The following TMEM223 variants were observed in gnomAD, a reference collection of about 807,000 sequenced individuals.
The protein encoded by TMEM223 is transmembrane protein 223.
In TMEM223, 14 loss-of-function variants were observed where a neutral mutation model predicts 14.1. The ratio of observed to expected loss-of-function variants is 0.99; its 90% confidence interval spans 0.66 to 1.55. The LOEUF (loss-of-function observed/expected upper bound fraction) is 1.55. TMEM223 is among the 40% of genes most tolerant of loss of function. The pLI, the probability that TMEM223 is intolerant of heterozygous loss-of-function variation, is 0.00. For missense variants in TMEM223, 346 were observed against 269.9 expected, an observed-to-expected ratio of 1.28 and a Z score of -1.97; for synonymous variants, 145 against 120.5, an observed-to-expected ratio of 1.20 and a Z score of -1.33.
downstream of TMEM223, chr11:62,786,198 G>C (rs973112820): frequency 7.7e-6 from 12 of 1,559,178 alleles, no homozygotes; most frequent in Non-Finnish European, 9.6e-6. Context: ...TCATGGGAAA[G>C]GGTCCTTGAG....
Position 62,791,986 on chromosome 11 carries a change from C to A in TMEM223, c.9G>T (p.Ala3=), listed in dbSNP as rs746903242. The A allele has an allele frequency of 1.3e-6, 2 of 1,539,088 alleles. No individual in the cohort carries two copies. Among genetic ancestry groups the A allele is most frequent in the African/African-American group, 1.4e-5 (1 of 72,914 alleles). The part of the protein sequence containing the change: MA[A]PWRRWPTGLL... ...GCCCCGTGGGCCATCGCCTCCAAGG[C>A]GCCGCCATGGCCAGCCGACTTCCGG... Residue 3 remains alanine, a synonymous_variant, in exon 1 of 2, where the codon GCG becomes GCT. Transcript: ENST00000307366.
chr11:62,785,106 G>A (rs368729704), downstream of TMEM223, among the ~76,000 whole-genome samples: 5 of 152,162 alleles, frequency 3.3e-5, no homozygotes, highest in East Asian at 9.6e-4. Context: ...CCAAAGTGCT[G>A]GGATTACAAG....
chr11:62,779,976 A>ATATATATATATATATATTTTTTT (rs1294367864), intron 1 of TMEM223, among the ~76,000 whole-genome samples: 2 of 52,632 alleles, frequency 3.8e-5, no homozygotes, highest in African/African-American at 7.7e-5. Context: ...ATATATATAT[A>ATATATATATATATATATTTTTTT]TTTTTTTTTT....
rs982559102 is a variant in TMEM223 at position 62,790,442 on chromosome 11, T to C, written c.*181A>G. On this transcript the variant is annotated 3_prime_UTR_variant, in exon 2 of 2. Transcript: ENST00000307366. ...ATTCTAAGATTGGCGTTTTTTTTTG[T>C]TTTTTTTTTTGTAAATAGAGACAAG... is the stretch of plus-strand genomic sequence containing the variant. The C allele has an allele frequency of 2.3e-6, 1 of 431,008 alleles. No homozygotes were observed. Among genetic ancestry groups the C allele is most frequent in the African/African-American group, 2.2e-5 (1 of 45,462 alleles). The allele number at this position is 431,008 out of a possible 1,614,324, so 26.7% of individuals were successfully genotyped here. A position where few individuals can be genotyped will look rare whatever the true frequency, so the allele number is the denominator to read the frequency against.
chr11:62,786,173 A>T, downstream of TMEM223: 1 of 1,507,878 alleles, frequency 6.6e-7, no homozygotes, highest in Non-Finnish European at 9.0e-7. Flanking sequence ...AGGATCAGAG[A>T]TAAAGGTAGG....
intron 1 of TMEM223, chr11:62,781,678 A>AAAAAAAT (rs1554997115): frequency 1.1e-5 from 5 of 464,460 alleles, no homozygotes; most frequent in East Asian, 4.6e-5. Context: ...AAAAAAAAAA[A>AAAAAAAT]GTTGGACATT....
At chr11:62,788,186 T>TGG (rs2084311456), downstream of TMEM223, among the ~76,000 whole-genome samples, 1 of 143,450 alleles carries the variant, frequency 7.0e-6, no homozygotes, top group Non-Finnish European at 1.5e-5. Flanking sequence ...GCGGATCACT[T>TGG]GAGGTCAGGA....
In TMEM223 at chr11:62,791,935, G is replaced by T. The variant is rs767105224; in HGVS notation, c.60C>A (p.Leu20=). The T allele has an allele frequency of 6.3e-7, 1 of 1,595,290 alleles. No individual in the cohort carries two copies. Among genetic ancestry groups the T allele is most frequent in the East Asian group, 2.3e-5 (1 of 44,032 alleles). Residue 20 remains leucine (L), a synonymous_variant, in exon 1 of 2, where the codon CTC becomes CTA. Coordinates refer to ENST00000307366, the MANE Select transcript of TMEM223 (RefSeq NM_001080501.3). Reference sequence around the variant, plus strand: ...TCGTGCCTTGCAGGGGCCGGCAGGTGAGCAGGGGCCGCAGCACGGCTAGCA... The same window carrying T: ...TCGTGCCTTGCAGGGGCCGGCAGGTTAGCAGGGGCCGCAGCACGGCTAGCA... The part of the protein sequence containing the change: ...TGLLAVLRPL[L]TCRPLQGTTL...
intron 1 of TMEM223, chr11:62,778,397 G>A: frequency 6.3e-7 from 1 of 1,592,854 alleles, no homozygotes. Flanking sequence ...TTCTGAGGGT[G>A]GTGCCTATGT....
At chr11:62,786,902 C>G (rs1429338880), downstream of TMEM223, 1 of 1,527,738 alleles carries the variant, frequency 6.5e-7, no homozygotes, top group Non-Finnish European at 8.7e-7. Context: ...ACGGCAAGCG[C>G]CATAGTCAGC....
chr11:62,791,790 G>C lies in TMEM223; in HGVS notation c.205C>G (p.Arg69Gly), dbSNP rs2084364498. 3 of 1,571,302 alleles carry C rather than the reference G, an allele frequency of 1.9e-6. No homozygotes were observed. Among genetic ancestry groups the C allele is most frequent in the South Asian group, 1.2e-5 (1 of 85,610 alleles). The change falls in exon 1 of 2, where the codon CGG (arginine) becomes GGG (glycine). Residue 69 changes from arginine to glycine, a missense_variant. Arg to Gly is a moderately radical substitution (Grantham distance 125). Transcript: ENST00000307366. ...AGAGGCTGCACCGGAACCGGGGGCCGGGACACGGCTGCCACAGCCATGGAA... is the reference window on the plus strand; with the variant it reads ...AGAGGCTGCACCGGAACCGGGGGCCCGGACACGGCTGCCACAGCCATGGAA... Reference protein sequence around the residue: ...WASMAVAAVSRPPVPVQPLDA... With the variant: ...WASMAVAAVSGPPVPVQPLDA...
Position 62,791,925 on chromosome 11 carries a change from G to C in TMEM223, c.70C>G (p.Pro24Ala). 1.9e-6 allele frequency: 3 copies of C among 1,598,308 alleles called. No individual in the cohort carries two copies. The Admixed American group carries it at 5.2e-5, about 28-fold the overall frequency. Residue 24 changes from proline (P) to alanine (A), a missense_variant, in exon 1 of 2, where the codon CCC becomes GCC. Coordinates refer to ENST00000307366, the MANE Select transcript of TMEM223 (RefSeq NM_001080501.3). ...AVLRPLLTCR[P>A]LQGTTLQRDV... The stretch of plus-strand genomic sequence containing the variant: ...CGTTGCAGCGTCGTGCCTTGCAGGG[G>C]CCGGCAGGTGAGCAGGGGCCGCAGC...
downstream of TMEM223, chr11:62,787,203 G>A (rs374021951): frequency 2.5e-6 from 4 of 1,588,192 alleles, no homozygotes; most frequent in Non-Finnish European, 3.4e-6. Context: ...GCCCGGCCTC[G>A]CGCTACGTGC....
chr11:62,784,547 C>A (rs371174654), downstream of TMEM223, among the ~76,000 whole-genome samples: 5 of 152,218 alleles, frequency 3.3e-5, no homozygotes, highest in East Asian at 9.6e-4. Context: ...GCCTCATGAT[C>A]CGCCCGCCTT....
chr11:62,776,549 G>A (rs2084189673), intron 1 of TMEM223: 6 of 1,436,070 alleles, frequency 4.2e-6, no homozygotes, highest in South Asian at 1.2e-5. Context: ...GCGATGTGGT[G>A]AGACATTAAG....
At chr11:62,772,580 C>A (rs2084156694) in intron 2 of TMEM223, among the ~76,000 whole-genome samples, 1 of 144,618 alleles carries the variant, frequency 6.9e-6, no homozygotes, top group Admixed American at 7.1e-5. Flanking sequence ...CCTGTAATTT[C>A]AGCACTTTGG....
intron 1 of TMEM223, among the ~76,000 whole-genome samples, chr11:62,775,366 A>C (rs1273691174): frequency 1.3e-5 from 2 of 152,202 alleles, no homozygotes; most frequent in African/African-American, 4.8e-5. Flanking sequence ...ATTCAAGGTG[A>C]GATTTGTGCG....
chr11:62,777,987 G>T (rs1253869189), intron 1 of TMEM223: 3 of 1,614,024 alleles, frequency 1.9e-6, no homozygotes, highest in Admixed American at 3.3e-5. Flanking sequence ...GGCTGTGTGT[G>T]GTTACGGATC....
At position 62,790,126 on chromosome 11, in the gene TMEM223, T is replaced by G; in HGVS notation, c.*497A>C. The G allele has an allele frequency of 6.9e-7, 1 of 1,443,516 alleles. No homozygotes were observed. Among genetic ancestry groups the G allele is most frequent in the African/African-American group, 1.4e-5 (1 of 70,106 alleles). 89.4% of individuals were successfully genotyped at this position (1,443,516 alleles called of 1,614,324 possible). ...ATCCCCCCCCTCAAGGCCCTGTTTA[T>G]GTTGGGAGTCTTAGTTTTCCTTTCG... On this transcript the variant is annotated 3_prime_UTR_variant, in exon 2 of 2. Coordinates refer to ENST00000307366, the MANE Select transcript of TMEM223 (RefSeq NM_001080501.3).
Sources: gnomAD v4.1 joint callset for allele counts (sites outside exome capture counted in the v4.1 genomes callset) on GRCh38, gnomAD v4.1.1 for gene constraint, MANE v1.5 for transcripts, NCBI Gene and HGNC (gene_info 2026-07-23, HGNC 2026-07-21) for gene names.